The following SMYD3 variants were observed in gnomAD, a reference collection of about 807,000 sequenced individuals.
SMYD3 encodes histone-lysine N-methyltransferase SMYD3.
SMYD3 carries 36 observed loss-of-function variants against 57.7 expected under a neutral mutation model. That is an observed-to-expected ratio of 0.62 (90% CI 0.48 to 0.82). The LOEUF (loss-of-function observed/expected upper bound fraction) is 0.82, where lower values mean the gene tolerates loss of function less well. Among genes scored for constraint, SMYD3 ranks in the 40% least tolerant of loss-of-function variants. The pLI is 0.00. For missense variants in SMYD3, 515 were observed against 538.8 expected, an observed-to-expected ratio of 0.96 and a Z score of 0.44; for synonymous variants, 211 against 195.0, an observed-to-expected ratio of 1.08 and a Z score of -0.68.
chr1:246,215,107 G>A (rs1334309364), intron 5 of SMYD3, among the ~76,000 whole-genome samples: 2 of 152,090 alleles, frequency 1.3e-5, no homozygotes, highest in East Asian at 1.9e-4. Context: ...AGAAGCTCAT[G>A]ATTCTAATCT....
At chr1:245,789,236 T>C (rs1267768211) in intron 10 of SMYD3, among the ~76,000 whole-genome samples, 1 of 152,170 alleles carries the variant, frequency 6.6e-6, no homozygotes, top group East Asian at 1.9e-4. Flanking sequence ...CAGAGAGACT[T>C]TCATAGGCAG....
At chr1:246,228,578 C>T (rs1250364342) in intron 5 of SMYD3, among the ~76,000 whole-genome samples, 1 of 152,128 alleles carries the variant, frequency 6.6e-6, no homozygotes, top group African/African-American at 2.4e-5. Flanking sequence ...GTCAAGCTGA[C>T]AGCAGCATAA....
intron 10 of SMYD3, among the ~76,000 whole-genome samples, chr1:245,804,615 G>A (rs1379999963): frequency 1.3e-5 from 2 of 152,180 alleles, no homozygotes; most frequent in Non-Finnish European, 2.9e-5. Flanking sequence ...TAAGAGTGGG[G>A]CCTTTGGGAA....
chr1:246,265,305 TA>T (rs1430036959), intron 5 of SMYD3, among the ~76,000 whole-genome samples: 1 of 138,824 alleles, frequency 7.2e-6, no homozygotes, highest in Non-Finnish European at 1.5e-5. Context: ...CTAATTTTTG[TA>T]TTTTTTTTTT....
intron 5 of SMYD3, among the ~76,000 whole-genome samples, chr1:246,097,581 C>G (rs2060937628): frequency 6.6e-6 from 1 of 151,988 alleles, no homozygotes; most frequent in Non-Finnish European, 1.5e-5. Flanking sequence ...CTGTCCAAAA[C>G]CTCTCATTCC....
intron 5 of SMYD3, among the ~76,000 whole-genome samples, chr1:246,177,887 T>C (rs948554527): frequency 6.6e-6 from 1 of 152,178 alleles, no homozygotes; most frequent in African/African-American, 2.4e-5. Flanking sequence ...ACATTTCGCC[T>C]AGCAACTCCC....
At chr1:246,453,788 C>G (rs370872559) in intron 1 of SMYD3, among the ~76,000 whole-genome samples, 45 of 152,290 alleles carry the variant, frequency 3.0e-4, no homozygotes, top group Admixed American at 1.1e-3. Flanking sequence ...TTAGGCCAAC[C>G]CTTAACAAAT....
intron 8 of SMYD3, among the ~76,000 whole-genome samples, chr1:245,892,013 A>C (rs550611301): frequency 7.2e-5 from 11 of 152,158 alleles, no homozygotes; most frequent in Non-Finnish European, 1.3e-4. Flanking sequence ...AGCCTGGGCG[A>C]AAGAGTGACG....
At chr1:246,022,802 C>G (rs375663023) in intron 5 of SMYD3, among the ~76,000 whole-genome samples, 1 of 152,124 alleles carries the variant, frequency 6.6e-6, no homozygotes, top group Non-Finnish European at 1.5e-5. Context: ...TTAGGAGTGG[C>G]TGGGAGGAGA....
At chr1:246,027,585 C>G (rs1318977943) in intron 5 of SMYD3, among the ~76,000 whole-genome samples, 1 of 152,196 alleles carries the variant, frequency 6.6e-6, no homozygotes, top group Non-Finnish European at 1.5e-5. Context: ...TGTTTTTAAG[C>G]ATAGTTTACT....
intron 1 of SMYD3, among the ~76,000 whole-genome samples, chr1:246,438,014 T>C (rs928635446): frequency 6.6e-6 from 1 of 152,144 alleles, no homozygotes; most frequent in Non-Finnish European, 1.5e-5. Context: ...CTCAAATCTC[T>C]TGGGAGATTA....
intron 5 of SMYD3, among the ~76,000 whole-genome samples, chr1:245,957,979 A>C (rs2057896787): frequency 6.6e-6 from 1 of 152,094 alleles, no homozygotes; most frequent in Non-Finnish European, 1.5e-5. Context: ...CCTAGCAGAC[A>C]AGGTAGGGAC....
intron 1 of SMYD3, among the ~76,000 whole-genome samples, chr1:246,420,285 A>T (rs1166990037): frequency 1.3e-5 from 2 of 152,242 alleles, no homozygotes; most frequent in Non-Finnish European, 2.9e-5. Context: ...TAGAAGATGA[A>T]GTTGAACTGA....
intron 1 of SMYD3, among the ~76,000 whole-genome samples, chr1:246,359,627 G>C (rs1304432267): frequency 1.3e-5 from 2 of 152,132 alleles, no homozygotes; most frequent in Non-Finnish European, 2.9e-5. Flanking sequence ...GATCAAGCGG[G>C]TTTCATACCA....
At chr1:246,499,441 T>C (rs968323221) in intron 1 of SMYD3, among the ~76,000 whole-genome samples, 2 of 151,344 alleles carry the variant, frequency 1.3e-5, no homozygotes, top group African/African-American at 2.4e-5. Flanking sequence ...TATATTTTTG[T>C]TATTGTTGTT....
intron 10 of SMYD3, among the ~76,000 whole-genome samples, chr1:245,777,857 G>C (rs1256080002): frequency 3.3e-5 from 5 of 152,084 alleles, no homozygotes; most frequent in South Asian, 2.1e-4. Flanking sequence ...ACCACAAAAT[G>C]CTCACCAACT....
At chr1:246,062,971 C>G (rs1019741120) in intron 5 of SMYD3, among the ~76,000 whole-genome samples, 14 of 152,128 alleles carry the variant, frequency 9.2e-5, no homozygotes, top group Non-Finnish European at 1.6e-4. Flanking sequence ...GCTCCCACTC[C>G]CAAACCTGCT....
intron 5 of SMYD3, among the ~76,000 whole-genome samples, chr1:245,931,934 C>T (rs2056748199): frequency 6.6e-6 from 1 of 152,114 alleles, no homozygotes; most frequent in Non-Finnish European, 1.5e-5. Context: ...TAAACAAATG[C>T]TAAATTGCTT....
chr1:246,505,387 T>C (rs1033155029), intron 1 of SMYD3, among the ~76,000 whole-genome samples: 3 of 151,604 alleles, frequency 2.0e-5, no homozygotes, highest in Non-Finnish European at 2.9e-5. Context: ...CAAAGAAGAA[T>C]GGTTGAGAGA....
Sources: allele counts gnomAD v4.1 joint callset (sites outside exome capture counted in the v4.1 genomes callset), GRCh38; gene constraint gnomAD v4.1.1; transcripts MANE v1.5; gene names NCBI Gene and HGNC (gene_info 2026-07-23, HGNC 2026-07-21).